LPAR6: variants seen among roughly 807,000 people sequenced by gnomAD.
The protein encoded by LPAR6 is G-protein coupled purinergic receptor P2Y5.
A neutral mutation model predicts 22.0 loss-of-function variants in LPAR6; 17 were observed. The observed-to-expected ratio is 0.77, with a 90% CI of 0.53 to 1.16. The LOEUF (loss-of-function observed/expected upper bound fraction) is 1.16, where lower values mean the gene tolerates loss of function less well. Among genes scored for constraint, LPAR6 ranks in the 50% most tolerant of loss-of-function variants. The pLI is 0.00. For missense variants in LPAR6, 384 were observed against 406.9 expected, an observed-to-expected ratio of 0.94 and a Z score of 0.48; for synonymous variants, 136 against 139.8, an observed-to-expected ratio of 0.97 and a Z score of 0.19.
At chr13:48,400,903 C>A (rs1455227608) in intron 1 of LPAR6, among the ~76,000 whole-genome samples, 1 of 152,088 alleles carries the variant, frequency 6.6e-6, no homozygotes, top group Non-Finnish European at 1.5e-5. Flanking sequence ...TTTATCTTGG[C>A]TTACTATAAG....
At chr13:48,408,738 T>A (rs1485888822), downstream of LPAR6, 1 of 152,188 alleles carries the variant, frequency 6.6e-6, no homozygotes, top group Non-Finnish European at 1.5e-5. Flanking sequence ...TTATGAAGAA[T>A]CTTACAAAAC....
At chr13:48,440,716 T>G (rs779188892) in intron 1 of LPAR6, among the ~76,000 whole-genome samples, 3 of 152,196 alleles carry the variant, frequency 2.0e-5, no homozygotes, top group African/African-American at 4.8e-5. Flanking sequence ...GATAAAGGGT[T>G]TTCTTTGTTA....
In LPAR6 at chr13:48,397,581, G is replaced by A. The variant is rs779449468; in HGVS notation, n.115-7769C>T. On this transcript the variant is annotated intron_variant and non_coding_transcript_variant, in intron 1 of 1. Transcript: ENST00000462781. Reference sequence around the variant, plus strand: ...TAGGTGCAGCAAACCACCATGGCACGCGTATACCTATGTAACAAACCTGCA... The same window carrying A: ...TAGGTGCAGCAAACCACCATGGCACACGTATACCTATGTAACAAACCTGCA... Among the ~76,000 whole-genome samples, 14 of 152,158 alleles carry A rather than the reference G, an allele frequency of 9.2e-5. No individual in the cohort carries two copies. In the South Asian group the frequency reaches 1.2e-3, roughly 14 times the overall value.
At chr13:48,426,050 A>T (rs538560549) in intron 1 of LPAR6, among the ~76,000 whole-genome samples, 30 of 152,284 alleles carry the variant, frequency 2.0e-4, no homozygotes, top group African/African-American at 7.0e-4. Flanking sequence ...TGCATAAAGG[A>T]TAATAGAAAG....
intron 1 of LPAR6, among the ~76,000 whole-genome samples, chr13:48,439,221 C>T (rs552697442): frequency 6.6e-6 from 1 of 152,214 alleles, no homozygotes; most frequent in East Asian, 1.9e-4. Context: ...CTATAAAATA[C>T]ACATATCTAC....
chr13:48,418,104 G>T (rs542842455), upstream of LPAR6, among the ~76,000 whole-genome samples: 1 of 152,166 alleles, frequency 6.6e-6, no homozygotes, highest in South Asian at 2.1e-4. Context: ...TTGAAATGAA[G>T]GAAAAAATGT....
chr13:48,436,805 G>A (rs1444653829), intron 1 of LPAR6, among the ~76,000 whole-genome samples: 2 of 152,122 alleles, frequency 1.3e-5, no homozygotes, highest in Admixed American at 6.5e-5. Flanking sequence ...TTCCTCTTGC[G>A]AGGCAAAACA....
At chr13:48,442,109 C>T (rs1396171456) in intron 1 of LPAR6, among the ~76,000 whole-genome samples, 1 of 152,176 alleles carries the variant, frequency 6.6e-6, no homozygotes, top group South Asian at 2.1e-4. Flanking sequence ...TTCAGACATG[C>T]TAGCTTCAAG....
At chr13:48,418,743 T>C (rs1355613875) in intron 2 of LPAR6, among the ~76,000 whole-genome samples, 1 of 148,642 alleles carries the variant, frequency 6.7e-6, no homozygotes, top group African/African-American at 2.5e-5. Flanking sequence ...GCAATCCTAG[T>C]CTCTGATAAA....
In LPAR6 at chr13:48,411,312, T is replaced by G; in HGVS notation, c.*77A>C. ...TTAATTTCTTTTGGAGGTGGAAAAA[T>G]AGTTTGTCCAAAAAGACACTTTTCA... is the stretch of plus-strand genomic sequence containing the variant. On this transcript the variant is annotated 3_prime_UTR_variant, in exon 1 of 1. Coordinates refer to ENST00000620633, the MANE Select transcript of LPAR6 (RefSeq NM_001162498.3). 1 of 1,191,134 alleles carries G rather than the reference T, an allele frequency of 8.4e-7. No homozygotes were observed. The highest frequency in any genetic ancestry group is 1.2e-6 in the Non-Finnish European group (1 of 806,236). The allele number at this position is 1,191,134 out of a possible 1,614,324, so 73.8% of individuals were successfully genotyped here.
intron 1 of LPAR6, among the ~76,000 whole-genome samples, chr13:48,402,877 G>A (rs1258824615): frequency 6.6e-6 from 1 of 151,962 alleles, no homozygotes; most frequent in Non-Finnish European, 1.5e-5. Context: ...TTACCTATAT[G>A]ACATATAAAT....
chr13:48,396,680 C>T (rs1207656327), intron 1 of LPAR6, among the ~76,000 whole-genome samples: 1 of 152,088 alleles, frequency 6.6e-6, no homozygotes, highest in Non-Finnish European at 1.5e-5. Context: ...TTCTGCACAG[C>T]AAAAGAAACT....
intron 1 of LPAR6, among the ~76,000 whole-genome samples, chr13:48,443,619 GAC>G (rs1398697125): frequency 6.6e-6 from 1 of 152,142 alleles, no homozygotes; most frequent in Non-Finnish European, 1.5e-5. Flanking sequence ...GAAAGTAAAA[GAC>G]ACATCATTCT....
upstream of LPAR6, among the ~76,000 whole-genome samples, chr13:48,413,577 A>G (rs1482386138): frequency 6.6e-6 from 1 of 152,218 alleles, no homozygotes; most frequent in Non-Finnish European, 1.5e-5. Flanking sequence ...TATAACAAGC[A>G]TTTGACTCTT....
At chr13:48,419,061 C>G (rs1305678268) in intron 2 of LPAR6, among the ~76,000 whole-genome samples, 2 of 152,178 alleles carry the variant, frequency 1.3e-5, no homozygotes, top group Non-Finnish European at 2.9e-5. Flanking sequence ...ACAGAACTCT[C>G]CACCCCAAAT....
upstream of LPAR6, chr13:48,415,940 G>C (rs1019932811): frequency 2.0e-5 from 3 of 152,204 alleles, no homozygotes; most frequent in Admixed American, 6.5e-5. Flanking sequence ...GAAAAATACA[G>C]AGTAACTACT....
intron 1 of LPAR6, among the ~76,000 whole-genome samples, chr13:48,399,279 ATCT>A (rs1251090836): frequency 6.6e-6 from 1 of 152,038 alleles, no homozygotes; most frequent in Non-Finnish European, 1.5e-5. Context: ...GCCTAAAGTC[ATCT>A]TCTATACGAA....
chr13:48,399,480 T>C (rs1948674398), intron 1 of LPAR6, among the ~76,000 whole-genome samples: 1 of 152,030 alleles, frequency 6.6e-6, no homozygotes, highest in Non-Finnish European at 1.5e-5. Flanking sequence ...TCCACTGAAA[T>C]GTAGCAAGGA....
At chr13:48,394,514 C>G (rs907776418) in intron 1 of LPAR6, among the ~76,000 whole-genome samples, 2 of 152,200 alleles carry the variant, frequency 1.3e-5, no homozygotes, top group Non-Finnish European at 2.9e-5. Flanking sequence ...TTGAAATTCT[C>G]GCTGCCATCA....
Sources: gnomAD v4.1 joint callset for allele counts (sites outside exome capture counted in the v4.1 genomes callset) on GRCh38, gnomAD v4.1.1 for gene constraint, MANE v1.5 for transcripts, NCBI Gene and HGNC (gene_info 2026-07-23, HGNC 2026-07-21) for gene names.